BAZ2B: variants seen among roughly 807,000 people sequenced by gnomAD.
BAZ2B encodes bromodomain adjacent to zinc finger domain 2B.
BAZ2B carries 91 observed loss-of-function variants against 246.0 expected under a neutral mutation model. The ratio of observed to expected loss-of-function variants is 0.37; its 90% CI spans 0.31 to 0.44. The LOEUF is 0.44. Among genes scored for constraint, BAZ2B ranks in the 20% least tolerant of loss-of-function variants. The probability of loss-of-function intolerance (pLI) is 1.00; values close to 1 mark genes in which losing one functional copy is unlikely to be tolerated. For missense variants in BAZ2B, 2,332 were observed against 2,533.7 expected (o/e 0.92, Z 1.71); for synonymous variants, 855 against 860.0 (o/e 0.99, Z 0.10).
chr2:159,571,551 T>C (rs1371630813), intron 1 of BAZ2B, among the ~76,000 whole-genome samples: 2 of 152,154 alleles, frequency 1.3e-5, no homozygotes, highest in Non-Finnish European at 2.9e-5. Context: ...ATTAGGGAGT[T>C]AGAGCTTTCA....
At chr2:159,553,555 G>A (rs753956915) in intron 2 of BAZ2B, among the ~76,000 whole-genome samples, 2 of 151,980 alleles carry the variant, frequency 1.3e-5, no homozygotes, top group Non-Finnish European at 2.9e-5. Context: ...AAAAGGAACC[G>A]AGCAATGCTT....
the BAZ2B span, among the ~76,000 whole-genome samples, chr2:159,698,522 AAAAAAAC>A: frequency 1.4e-5 from 2 of 145,624 alleles, no homozygotes; most frequent in Non-Finnish European, 3.0e-5. Flanking sequence ...CCACAAAAAA[AAAAAAAC>A]AAAAAAAACA....
At chr2:159,646,377 T>C in the BAZ2B span, among the ~76,000 whole-genome samples, 5 of 152,198 alleles carry the variant, frequency 3.3e-5, no homozygotes, top group South Asian at 4.1e-4. Flanking sequence ...CCAGATTTCA[T>C]ATTGTTCAAA....
chr2:159,462,193 A>G (rs1370831762), intron 3 of BAZ2B: 6 of 444,176 alleles, frequency 1.4e-5, no homozygotes, highest in African/African-American at 8.0e-5. Context: ...GGATATAGCA[A>G]TAACAGAAAA....
At chr2:159,577,570 G>T (rs1015127549) in intron 1 of BAZ2B, among the ~76,000 whole-genome samples, 11 of 152,150 alleles carry the variant, frequency 7.2e-5, no homozygotes, top group Non-Finnish European at 7.3e-5. Flanking sequence ...TACACAAAAT[G>T]ATCTGCTTGA....
chr2:159,474,826 G>A (rs2078296267), intron 3 of BAZ2B, among the ~76,000 whole-genome samples: 1 of 152,128 alleles, frequency 6.6e-6, no homozygotes, highest in African/African-American at 2.4e-5. Context: ...GCTCAGTTTG[G>A]CGGGGTATGA....
rs188203574 is a variant in BAZ2B, at chr2:159,370,152, A to G, written c.4213+2893T>C. On this transcript the variant is annotated intron_variant, in intron 27 of 36. Transcript: ENST00000392783. ...ACTTGGACACAGGAAGGGGAACATC[A>G]CACACTGGGGCCTGTCGTGGGGTGG... Among the ~76,000 whole-genome samples, 337 of 152,190 alleles carry G rather than the reference A, an allele frequency of 2.2e-3. 1 individual carries two copies. Among genetic ancestry groups the G allele is most frequent in the African/African-American group, 7.6e-3 (315 of 41,492 alleles).
the BAZ2B span, among the ~76,000 whole-genome samples, chr2:159,682,241 G>A: frequency 2.8e-5 from 4 of 143,566 alleles, no homozygotes; most frequent in East Asian, 6.2e-4. Context: ...CACTCAGGCT[G>A]GACCGCAGAG....
the BAZ2B span, among the ~76,000 whole-genome samples, chr2:159,651,085 C>T: frequency 1.3e-5 from 2 of 152,106 alleles, no homozygotes; most frequent in African/African-American, 4.8e-5. Context: ...ATTATAATCT[C>T]CAGCACATAA....
chr2:159,446,739 T>C, intron 6 of BAZ2B, 43 bp downstream of exon 6: 1 of 1,489,780 alleles, frequency 6.7e-7, no homozygotes, highest in South Asian at 1.4e-5. Flanking sequence ...GCTCATCTTA[T>C]ATATAGATCT....
In BAZ2B at chr2:159,320,300, C is replaced by T. The variant is rs2062557047; in HGVS notation, c.6472G>A (p.Glu2158Lys). The change falls in exon 37 of 37, where the codon GAA becomes AAA. Residue 2158 changes from glutamate to lysine, a missense_variant. Coordinates refer to ENST00000392783, the MANE Select transcript of BAZ2B (RefSeq NM_013450.4). ...RAGHNMRKYF[E>K]KKWTDTFKVS ...TTGAAAGTATCTGTCCACTTTTTTT[C>T]AAAATACTTCCTCATATTGTGGCCA... 4 of 1,560,498 alleles carry T rather than the reference C, an allele frequency of 2.6e-6. No individual in the cohort carries two copies. Among genetic ancestry groups the T allele is most frequent in the Non-Finnish European group, 2.6e-6 (3 of 1,165,794 alleles).
chr2:159,435,771 A>G (rs1407796261), intron 8 of BAZ2B, among the ~76,000 whole-genome samples: 1 of 152,194 alleles, frequency 6.6e-6, no homozygotes, highest in Non-Finnish European at 1.5e-5. Context: ...ATTATAGGCG[A>G]GAGCCACCGC....
intron 2 of BAZ2B, among the ~76,000 whole-genome samples, chr2:159,509,968 C>T (rs2082748433): frequency 6.6e-6 from 1 of 151,138 alleles, no homozygotes; most frequent in Non-Finnish European, 1.5e-5. Context: ...TAAAATGGAA[C>T]TATAAAAGGA....
intron 13 of BAZ2B, 135 bp from the exon 14 acceptor site, chr2:159,412,680 A>AT: frequency 1.3e-6 from 1 of 771,204 alleles, no homozygotes; most frequent in Non-Finnish European, 2.0e-6. Flanking sequence ...TAGGAATTTC[A>AT]TTTTTAAATT....
At position 159,404,889 on chromosome 2, in the gene BAZ2B, T is replaced by C; in HGVS notation, c.2792A>G (p.Lys931Arg). Reference protein sequence around the residue: ...KQQAIMAAEEKRKQKEQIKIM... With the variant: ...KQQAIMAAEERRKQKEQIKIM... ...CTTTATCTGTTCTTTTTGCTTCCGC[T>C]TCTCCTCAGCAGCCATTATTGCTAC... Residue 931 changes from lysine to arginine, a missense_variant, in exon 16 of 37, where the codon AAG becomes AGG. Lys to Arg is a conservative substitution (Grantham distance 26, BLOSUM62 2). This residue lies in a region of BAZ2B where 651 missense variants were observed against 650.9 expected (regional missense o/e 1.00). Coordinates refer to ENST00000392783, the MANE Select transcript of BAZ2B (RefSeq NM_013450.4). 1 of 1,613,620 alleles carries C rather than the reference T, an allele frequency of 6.2e-7. No homozygotes were observed. Among genetic ancestry groups the C allele is most frequent in the Non-Finnish European group, 8.5e-7 (1 of 1,179,970 alleles).
At chr2:159,463,971 TG>T (rs34850884) in intron 3 of BAZ2B, 49,812 of 152,004 alleles carry the variant, frequency 0.33, 9,647 homozygotes, top group Non-Finnish European at 0.46. Flanking sequence ...CCCAAAGTGC[TG>T]GGATTACAAG....
the BAZ2B span, among the ~76,000 whole-genome samples, chr2:159,643,146 T>G: frequency 6.6e-6 from 1 of 152,198 alleles, no homozygotes; most frequent in Non-Finnish European, 1.5e-5. Context: ...TTGCTTCACT[T>G]TCATCTTTGT....
At chr2:159,340,061 G>A (rs571283419) in intron 31 of BAZ2B, among the ~76,000 whole-genome samples, 1 of 152,088 alleles carries the variant, frequency 6.6e-6, no homozygotes, top group South Asian at 2.1e-4. Context: ...AATCAACAGA[G>A]ACAGATATAA....
intron 8 of BAZ2B, 160 bp downstream of exon 8, chr2:159,438,143 A>T (rs2072751543): frequency 1.5e-6 from 1 of 673,600 alleles, no homozygotes; most frequent in African/African-American, 1.8e-5. Context: ...ATATAAAATC[A>T]GAGAAATTTA....
Sources: gnomAD v4.1 joint callset for allele counts (sites outside exome capture counted in the v4.1 genomes callset) on GRCh38, gnomAD v4.1.1 for gene constraint, gnomAD v4.1.1 regional missense constraint, MANE v1.5 for transcripts, NCBI Gene and HGNC (gene_info 2026-07-23, HGNC 2026-07-21) for gene names.